BCL2: variants seen among roughly 807,000 people sequenced by gnomAD.
BCL2 encodes apoptosis regulator Bcl-2.
In BCL2, 1 loss-of-function variant was observed where a neutral mutation model predicts 14.2. That is an observed-to-expected ratio of 0.07 (90% CI 0.02 to 0.33). BCL2 has a LOEUF of 0.33. Ranked by LOEUF, BCL2 falls within the 10% of genes least tolerant of loss-of-function variation. The pLI, the probability that BCL2 is intolerant of heterozygous loss-of-function variation, is 0.99. For synonymous variants in BCL2, 151 were observed against 137.2 expected (o/e 1.10, Z -0.70); for missense variants, 247 against 305.9 (o/e 0.81, Z 1.44).
At chr18:63,313,124 A>T (rs1402219191) in intron 2 of BCL2, among the ~76,000 whole-genome samples, 1 of 152,168 alleles carries the variant, frequency 6.6e-6, no homozygotes, top group African/African-American at 2.4e-5. Flanking sequence ...TAAGTCTCTG[A>T]GTCTAGGATC....
At position 63,248,223 on chromosome 18, in the gene BCL2, G is replaced by C. The variant is rs184955774; in HGVS notation, c.585+69859C>G. ...AAGGCCTAACAGGCAGAAAAATCCA[G>C]TGGTGAAATAATCCACGGATCTGAC... On this transcript the variant is annotated intron_variant, in intron 2 of 2. Transcript: ENST00000333681. 2.0e-3 allele frequency among the ~76,000 whole-genome samples: 306 copies of C among 151,776 alleles called. 1 individual carries two copies. The highest frequency in any genetic ancestry group is 7.2e-3 in the African/African-American group (295 of 41,114).
chr18:63,233,432 C>G (rs140406379), intron 2 of BCL2, among the ~76,000 whole-genome samples: 1 of 152,298 alleles, frequency 6.6e-6, no homozygotes, highest in East Asian at 1.9e-4. Context: ...TGGTCCCCAA[C>G]CTTTCTGGCA....
intron 2 of BCL2, among the ~76,000 whole-genome samples, chr18:63,272,698 A>G (rs1223495549): frequency 1.3e-5 from 2 of 152,198 alleles, no homozygotes; most frequent in African/African-American, 4.8e-5. Context: ...ACTTTAACTC[A>G]TGTGTTTAGA....
At chr18:63,179,799 G>T (rs1173419385) in intron 2 of BCL2, among the ~76,000 whole-genome samples, 1 of 152,204 alleles carries the variant, frequency 6.6e-6, no homozygotes, top group African/African-American at 2.4e-5. Context: ...ACTCGCCGGT[G>T]AGAGTTCTTA....
At chr18:63,132,900 A>T (rs1478972192) in intron 2 of BCL2, among the ~76,000 whole-genome samples, 1 of 152,208 alleles carries the variant, frequency 6.6e-6, no homozygotes, top group Admixed American at 6.5e-5. Flanking sequence ...CCCAGTCTAT[A>T]TATTTAGGAA....
chr18:63,272,486 G>A (rs1318797931), intron 2 of BCL2, among the ~76,000 whole-genome samples: 6 of 152,060 alleles, frequency 3.9e-5, no homozygotes, highest in African/African-American at 7.2e-5. Flanking sequence ...GTAAACATCC[G>A]AGACAATTCT....
At chr18:63,255,950 A>G (rs764145289) in intron 2 of BCL2, among the ~76,000 whole-genome samples, 1 of 152,188 alleles carries the variant, frequency 6.6e-6, no homozygotes, top group Non-Finnish European at 1.5e-5. Flanking sequence ...TGAAAACTGA[A>G]TTCAATTCAA....
intron 2 of BCL2, among the ~76,000 whole-genome samples, chr18:63,223,897 A>C (rs971898733): frequency 1.3e-5 from 2 of 152,238 alleles, no homozygotes; most frequent in Non-Finnish European, 2.9e-5. Flanking sequence ...ACATGCAAGG[A>C]AAGTCTCTAC....
At chr18:63,286,969 T>C (rs549450755) in intron 2 of BCL2, among the ~76,000 whole-genome samples, 1 of 152,324 alleles carries the variant, frequency 6.6e-6, no homozygotes, top group African/African-American at 2.4e-5. Context: ...TATGGAAGGA[T>C]ACTGGCACTC....
At chr18:63,240,393 AAAAAG>A (rs1333602045) in intron 2 of BCL2, among the ~76,000 whole-genome samples, 2 of 152,230 alleles carry the variant, frequency 1.3e-5, no homozygotes, top group Admixed American at 1.3e-4. Flanking sequence ...ACAATCAGCA[AAAAAG>A]AAAAGGAATT....
At chr18:63,296,937 G>T (rs1042277573) in intron 2 of BCL2, among the ~76,000 whole-genome samples, 2 of 152,210 alleles carry the variant, frequency 1.3e-5, no homozygotes, top group African/African-American at 4.8e-5. Context: ...AACCGGCCCC[G>T]CACGGTGGCT....
chr18:63,135,331 G>A (rs557536875), intron 2 of BCL2, among the ~76,000 whole-genome samples: 2 of 152,246 alleles, frequency 1.3e-5, no homozygotes, highest in Non-Finnish European at 2.9e-5. Flanking sequence ...GTCTCATCTG[G>A]GCTTCCAAGT....
intron 2 of BCL2, among the ~76,000 whole-genome samples, chr18:63,261,718 G>A (rs540817392): frequency 6.6e-6 from 1 of 151,948 alleles, no homozygotes; most frequent in East Asian, 1.9e-4. Flanking sequence ...TTAAAAAACT[G>A]AATTTGTATA....
rs371826692 is a variant in BCL2, at chr18:63,128,581, T to G, written c.*44A>C. 1 of 774,144 alleles carries G rather than the reference T, an allele frequency of 1.3e-6. No homozygotes were observed. 48.0% of individuals were successfully genotyped at this position (774,144 alleles called of 1,614,324 possible). A position where few individuals can be genotyped will look rare whatever the true frequency, so the allele number is the denominator to read the frequency against. On this transcript the variant is annotated 3_prime_UTR_variant, in exon 3 of 3. Coordinates refer to ENST00000333681, the MANE Select transcript of BCL2 (RefSeq NM_000633.3). ...GACAATGCATATTATTTCTACTGCTTTAGTGAACCTTTTGCATATTTGTTT... is the reference window on the plus strand; with the variant it reads ...GACAATGCATATTATTTCTACTGCTGTAGTGAACCTTTTGCATATTTGTTT...
chr18:63,176,336 G>A (rs974254475), intron 2 of BCL2, among the ~76,000 whole-genome samples: 3 of 152,218 alleles, frequency 2.0e-5, no homozygotes, highest in African/African-American at 7.2e-5. Context: ...GGCAGCCTAG[G>A]AGGCCAATGT....
intron 2 of BCL2, among the ~76,000 whole-genome samples, chr18:63,286,004 A>C (rs1912461839): frequency 6.6e-6 from 1 of 152,144 alleles, no homozygotes; most frequent in South Asian, 2.1e-4. Flanking sequence ...CAATGCCCTT[A>C]CTTCTCCTGG....
chr18:63,175,498 G>T (rs1241324528), intron 2 of BCL2, among the ~76,000 whole-genome samples: 1 of 152,216 alleles, frequency 6.6e-6, no homozygotes, highest in Non-Finnish European at 1.5e-5. Context: ...GGGCAACCTA[G>T]GTGAATTCCA....
At chr18:63,270,857 G>A (rs148434886) in intron 2 of BCL2, among the ~76,000 whole-genome samples, 1,745 of 151,324 alleles carry the variant, frequency 0.012, 43 homozygotes, top group South Asian at 0.068. Context: ...TGGCTCTGTC[G>A]CCCAGGCTGG....
chr18:63,234,972 C>T (rs2144182240), intron 2 of BCL2, among the ~76,000 whole-genome samples: 1 of 152,098 alleles, frequency 6.6e-6, no homozygotes, highest in East Asian at 1.9e-4. Context: ...ATTACATACT[C>T]CAATAAGCCA....
Sources: gnomAD v4.1 joint callset for allele counts (sites outside exome capture counted in the v4.1 genomes callset) on GRCh38, gnomAD v4.1.1 for gene constraint, MANE v1.5 for transcripts, NCBI Gene and HGNC (gene_info 2026-07-23, HGNC 2026-07-21) for gene names.